Variants in GRM8 observed in about 807,000 individuals in gnomAD.
GRM8 encodes the protein metabotropic glutamate receptor 8.
GRM8 carries 47 observed loss-of-function variants against 87.2 expected under a neutral mutation model. The observed-to-expected ratio is 0.54, with a 90% CI of 0.43 to 0.69. The LOEUF is 0.69. Ranked by LOEUF, GRM8 falls within the 30% of genes least tolerant of loss-of-function variation. The pLI is 0.00. For missense variants in GRM8, 1,019 were observed against 1,139.2 expected (o/e 0.89, Z 1.52); for synonymous variants, 396 against 404.5 (o/e 0.98, Z 0.25).
intron 7 of GRM8, among the ~76,000 whole-genome samples, chr7:126,718,107 G>C (rs13233251): frequency 0.012 from 1,894 of 152,098 alleles, 21 homozygotes; most frequent in South Asian, 0.04. Flanking sequence ...CGTGGTGGCA[G>C]GCGCCTGTAG....
chr7:126,973,606 G>T (rs766477818), intron 3 of GRM8, among the ~76,000 whole-genome samples: 1 of 152,138 alleles, frequency 6.6e-6, no homozygotes, highest in African/African-American at 2.4e-5. Flanking sequence ...ATAACCAATG[G>T]TGTGCATCAG....
intron 2 of GRM8, among the ~76,000 whole-genome samples, chr7:127,223,331 T>C (rs959318706): frequency 2.0e-5 from 3 of 152,014 alleles, no homozygotes; most frequent in African/African-American, 4.8e-5. Flanking sequence ...AAAGCTCCTC[T>C]CTTTGTCCAA....
chr7:126,760,467 A>C (rs1298797839), intron 7 of GRM8, among the ~76,000 whole-genome samples: 4 of 152,226 alleles, frequency 2.6e-5, no homozygotes, highest in African/African-American at 9.6e-5. Context: ...ACTCGGTTAG[A>C]AAACAGAGGC....
intron 10 of GRM8, among the ~76,000 whole-genome samples, chr7:126,445,715 G>T (rs1801944295): frequency 6.6e-6 from 1 of 151,984 alleles, no homozygotes; most frequent in African/African-American, 2.4e-5. Flanking sequence ...ATTTATATGT[G>T]TAAGATCTGT....
intron 9 of GRM8, among the ~76,000 whole-genome samples, chr7:126,532,597 A>C (rs1584965723): frequency 6.6e-6 from 1 of 152,036 alleles, no homozygotes; most frequent in South Asian, 2.1e-4. Flanking sequence ...AACATTTGGA[A>C]AAGAACAGTG....
At chr7:127,174,228 AT>A (rs1329752409) in intron 2 of GRM8, among the ~76,000 whole-genome samples, 2 of 152,170 alleles carry the variant, frequency 1.3e-5, no homozygotes, top group African/African-American at 4.8e-5. Flanking sequence ...AACAGGGATT[AT>A]TGGAGGATAT....
At chr7:127,216,521 AAAAAAAAAAAAAAC>A (rs1796553502) in intron 2 of GRM8, among the ~76,000 whole-genome samples, 1 of 150,140 alleles carries the variant, frequency 6.7e-6, no homozygotes, top group Non-Finnish European at 1.5e-5. Context: ...CCGTCTCAAA[AAAAAAAAAAAAAAC>A]AAAAAAAAAA....
chr7:127,197,737 C>A (rs1399633427), intron 2 of GRM8, among the ~76,000 whole-genome samples: 1 of 152,040 alleles, frequency 6.6e-6, no homozygotes, highest in Non-Finnish European at 1.5e-5. Flanking sequence ...GAAGGAGAAC[C>A]AAGTATAGAT....
chr7:127,195,877 T>C (rs1795253369), intron 2 of GRM8, among the ~76,000 whole-genome samples: 1 of 152,210 alleles, frequency 6.6e-6, no homozygotes, highest in African/African-American at 2.4e-5. Flanking sequence ...GTATTTGTTT[T>C]TCCTTATACA....
At chr7:127,136,068 A>G (rs1390484541) in intron 2 of GRM8, among the ~76,000 whole-genome samples, 2 of 152,188 alleles carry the variant, frequency 1.3e-5, no homozygotes, top group Non-Finnish European at 2.9e-5. Flanking sequence ...AATAAAAGTC[A>G]TCAATTATGA....
chr7:126,575,920 T>C (rs1344487050), intron 8 of GRM8, among the ~76,000 whole-genome samples: 2 of 152,176 alleles, frequency 1.3e-5, no homozygotes, highest in Non-Finnish European at 2.9e-5. Context: ...TCTCATCCAC[T>C]CTTCTCCCAG....
chr7:126,529,304 C>T (rs979223711), intron 9 of GRM8, among the ~76,000 whole-genome samples: 1 of 152,106 alleles, frequency 6.6e-6, no homozygotes. Flanking sequence ...TTAATATTAG[C>T]TCATTGAATA....
intron 7 of GRM8, among the ~76,000 whole-genome samples, chr7:126,688,778 A>C (rs772241884): frequency 6.6e-6 from 1 of 151,954 alleles, no homozygotes; most frequent in Non-Finnish European, 1.5e-5. Flanking sequence ...AGAGACACAC[A>C]GTGTCTATGG....
chr7:126,652,301 T>C (rs1803990957), intron 7 of GRM8, among the ~76,000 whole-genome samples: 1 of 152,196 alleles, frequency 6.6e-6, no homozygotes, highest in African/African-American at 2.4e-5. Context: ...CTTATTATTG[T>C]CTTTATTTGA....
At chr7:126,667,233 G>C (rs1272404289) in intron 7 of GRM8, among the ~76,000 whole-genome samples, 1 of 152,112 alleles carries the variant, frequency 6.6e-6, no homozygotes, top group Non-Finnish European at 1.5e-5. Flanking sequence ...GATTTGCCCA[G>C]AGCCACATAC....
At chr7:126,630,544 T>C (rs1203364405) in intron 7 of GRM8, among the ~76,000 whole-genome samples, 1 of 152,136 alleles carries the variant, frequency 6.6e-6, no homozygotes, top group Non-Finnish European at 1.5e-5. Context: ...GAGGCCAGCA[T>C]CTTCCTAATA....
intron 6 of GRM8, among the ~76,000 whole-genome samples, chr7:126,834,791 A>G (rs1795690240): frequency 6.6e-6 from 1 of 152,200 alleles, no homozygotes; most frequent in African/African-American, 2.4e-5. Context: ...AAGCTTAAAA[A>G]GGAAGCAGCA....
intron 3 of GRM8, among the ~76,000 whole-genome samples, chr7:127,052,207 T>C (rs1451236926): frequency 6.6e-6 from 1 of 152,214 alleles, no homozygotes; most frequent in Admixed American, 6.5e-5. Context: ...CTCTGGGCCT[T>C]CATTTCCCAT....
At chr7:126,595,755 T>G (rs1431852892) in intron 8 of GRM8, among the ~76,000 whole-genome samples, 1 of 152,190 alleles carries the variant, frequency 6.6e-6, no homozygotes, top group Non-Finnish European at 1.5e-5. Context: ...CAGTCTACTG[T>G]TGATGGGCAT....
Sources: gnomAD v4.1 joint callset for allele counts (sites outside exome capture counted in the v4.1 genomes callset) on GRCh38, gnomAD v4.1.1 for gene constraint, MANE v1.5 for transcripts, NCBI Gene and HGNC (gene_info 2026-07-23, HGNC 2026-07-21) for gene names.